The following TBL1XR1 variants were observed in gnomAD, a reference collection of about 807,000 sequenced individuals.
The protein encoded by TBL1XR1 is TBL1X/Y related 1, also known as F-box-like/WD repeat-containing protein TBL1XR1.
A neutral mutation model predicts 66.9 loss-of-function variants in TBL1XR1; 5 were observed. The observed-to-expected ratio is 0.07, with a 90% CI of 0.04 to 0.16. TBL1XR1 has a LOEUF of 0.16. TBL1XR1 is among the 10% of genes least tolerant of loss of function. TBL1XR1 has a pLI of 1.00. For synonymous variants in TBL1XR1, 210 were observed against 206.0 expected (o/e 1.02, Z -0.17); for missense variants, 238 against 623.2 (o/e 0.38, Z 6.58).
intron 2 of TBL1XR1, among the ~76,000 whole-genome samples, chr3:177,083,564 A>G (rs1721713661): frequency 6.6e-6 from 1 of 152,244 alleles, no homozygotes. Context: ...TTCGAGAAAT[A>G]TCATTCACTG....
rs1028130686 is a variant in TBL1XR1 at position 177,051,431 on chromosome 3, AC to A, written c.427+72del. On this transcript the variant is annotated intron_variant, in intron 5 of 15. Coordinates refer to ENST00000457928, the MANE Select transcript of TBL1XR1 (RefSeq NM_024665.7). ...ATCTATATAACAAACCTGCACATGT[AC>A]CCCGAATTAAAAGTTTAAAAAAATA... 3.6e-6 allele frequency: 5 copies of A among 1,371,800 alleles called. No individual in the cohort carries two copies. In the African/African-American group the frequency reaches 7.4e-5, roughly 20 times the overall value. The allele number at this position is 1,371,800 out of a possible 1,614,324, so 85.0% of individuals were successfully genotyped here.
upstream of TBL1XR1, among the ~76,000 whole-genome samples, chr3:177,199,364 G>A (rs1737293396): frequency 7.1e-6 from 1 of 140,336 alleles, no homozygotes; most frequent in Admixed American, 7.4e-5. Context: ...ATTGAAAAGA[G>A]TATATAGTAT....
At chr3:177,098,298 A>T (rs1180048087) in intron 2 of TBL1XR1, among the ~76,000 whole-genome samples, 168 bp downstream of exon 2, 4 of 152,158 alleles carry the variant, frequency 2.6e-5, no homozygotes, top group Admixed American at 2.6e-4. Flanking sequence ...ATTTTTAAAT[A>T]CTTTAAACTA....
intron 10 of TBL1XR1, among the ~76,000 whole-genome samples, chr3:177,039,167 G>T (rs1560105023): frequency 6.6e-6 from 1 of 151,972 alleles, no homozygotes; most frequent in African/African-American, 2.4e-5. Flanking sequence ...CCATCCCCAT[G>T]ATATTGCCTT....
Position 177,176,634 on chromosome 3 carries a change from G to GA in TBL1XR1, c.-122+20486dup, listed in dbSNP as rs1279130631. On this transcript the variant is annotated intron_variant, in intron 1 of 15. Coordinates refer to ENST00000457928, the MANE Select transcript of TBL1XR1 (RefSeq NM_024665.7). ...TCGAGACCAGCCCGGCCAACATGGA[G>GA]AAACCCTCATCTCTATTAAAAACAC... Among the ~76,000 whole-genome samples, 2 of 151,774 alleles carry GA rather than the reference G, an allele frequency of 1.3e-5. 1 individual carries two copies.
rs145018224 is a variant in TBL1XR1, at chr3:177,034,229, T to C, written c.1219A>G (p.Asn407Asp). Residue 407 changes from asparagine to aspartate, a missense_variant, in exon 13 of 16, where the codon AAT (asparagine) becomes GAT (aspartate). Physicochemically the swap from Asn to Asp is conservative, Grantham distance 23 (BLOSUM62 1). Around this residue, in one of 8 missense-constraint regions of TBL1XR1, gnomAD observed 89 missense variants for 220.2 expected, o/e 0.40. Transcript: ENST00000457928. ...AACATAAGGTTGGCATTTGGATTAT[T>C]AGTCCCTGGTCCTGTTGGACTCCAT... ...IKWSPTGPGT[N>D]NPNANLMLAS... The C allele has an allele frequency of 1.9e-6, 3 of 1,601,220 alleles. No individual in the cohort carries two copies. Among genetic ancestry groups the C allele is most frequent in the Non-Finnish European group, 2.5e-6 (3 of 1,176,976 alleles).
At chr3:177,182,245 C>T (rs570493084) in intron 1 of TBL1XR1, among the ~76,000 whole-genome samples, 69 of 152,020 alleles carry the variant, frequency 4.5e-4, no homozygotes, top group Middle Eastern at 3.4e-3. Flanking sequence ...AAAAATTAGC[C>T]GGGAATGGTG....
chr3:177,127,491 T>C (rs747878522), intron 1 of TBL1XR1, among the ~76,000 whole-genome samples: 22 of 152,070 alleles, frequency 1.4e-4, no homozygotes, highest in Admixed American at 3.9e-4. Context: ...AAGAAACACT[T>C]TGGATTGCAA....
At chr3:177,196,873 G>T (rs949366701) in intron 1 of TBL1XR1, among the ~76,000 whole-genome samples, 1 of 151,902 alleles carries the variant, frequency 6.6e-6, no homozygotes, top group Non-Finnish European at 1.5e-5. Flanking sequence ...GGGTAGGGGG[G>T]TGGGCAGGCA....
chr3:177,191,921 C>T (rs987487076), intron 1 of TBL1XR1, among the ~76,000 whole-genome samples: 4 of 150,082 alleles, frequency 2.7e-5, no homozygotes, highest in African/African-American at 9.8e-5. Flanking sequence ...GGTGAAACCC[C>T]ATCTCTACTA....
intron 2 of TBL1XR1, among the ~76,000 whole-genome samples, chr3:177,092,926 A>T (rs1723013662): frequency 6.6e-6 from 1 of 152,122 alleles, no homozygotes. Context: ...ATGTGGTATG[A>T]CTTCTATTCA....
In TBL1XR1 at chr3:177,029,100, G is replaced by A. The variant is rs193121200; in HGVS notation, c.1417-2626C>T. ...ATCAGACCTCAGTGATATCTATAAGGAAAAATGTATTAAGCTATGAAAAAA... is the reference window on the plus strand; with the variant it reads ...ATCAGACCTCAGTGATATCTATAAGAAAAAATGTATTAAGCTATGAAAAAA... On this transcript the variant is annotated intron_variant, in intron 14 of 15. Coordinates refer to ENST00000457928, the MANE Select transcript of TBL1XR1 (RefSeq NM_024665.7). Among the ~76,000 whole-genome samples, 172 of 148,568 alleles carry A rather than the reference G, an allele frequency of 1.2e-3. 1 individual carries two copies. The highest frequency in any genetic ancestry group is 2.1e-3 in the Non-Finnish European group (143 of 67,228).
At chr3:177,059,239 C>T (rs1718198986) in intron 3 of TBL1XR1, among the ~76,000 whole-genome samples, 1 of 152,144 alleles carries the variant, frequency 6.6e-6, no homozygotes, top group Non-Finnish European at 1.5e-5. Flanking sequence ...ATAAATGGCA[C>T]TGGGCATAAG....
rs115416195 is a variant in TBL1XR1 at position 177,087,896 on chromosome 3, T to G, written c.-46+10570A>C. Among the ~76,000 whole-genome samples the G allele has an allele frequency of 3.5e-3, 539 of 152,168 alleles. 1 individual carries two copies. The highest frequency in any genetic ancestry group is 0.012 in the African/African-American group (512 of 41,526). ...AAATCTAGTAAGACCAAATTTAATATAGTACACCCAAAGAAAATTAGGAAA... is the reference window on the plus strand; with the variant it reads ...AAATCTAGTAAGACCAAATTTAATAGAGTACACCCAAAGAAAATTAGGAAA... On this transcript the variant is annotated intron_variant, in intron 2 of 15. Coordinates refer to ENST00000457928, the MANE Select transcript of TBL1XR1 (RefSeq NM_024665.7).
chr3:177,187,152 G>T (rs982542995), intron 1 of TBL1XR1, among the ~76,000 whole-genome samples: 3 of 138,280 alleles, frequency 2.2e-5, no homozygotes, highest in Non-Finnish European at 3.1e-5. Flanking sequence ...GGGCAACAGA[G>T]CAAGACTCTG....
intron 1 of TBL1XR1, among the ~76,000 whole-genome samples, chr3:177,135,364 T>C (rs1441719483): frequency 2.5e-4 from 8 of 31,784 alleles, no homozygotes; most frequent in East Asian, 1.2e-3. Context: ...TATATATATA[T>C]ATATATATAT....
chr3:177,193,524 T>C (rs776387598), intron 1 of TBL1XR1, among the ~76,000 whole-genome samples: 1 of 152,198 alleles, frequency 6.6e-6, no homozygotes, highest in African/African-American at 2.4e-5. Context: ...CTGGCCAAGA[T>C]GGTCTCAATC....
intron 2 of TBL1XR1, among the ~76,000 whole-genome samples, chr3:177,090,339 TAAA>T (rs1230936332): frequency 6.6e-6 from 1 of 151,934 alleles, no homozygotes; most frequent in African/African-American, 2.4e-5. Context: ...TAAAACAAAA[TAAA>T]AACAAATATT....
Position 177,021,615 on chromosome 3 carries a change from C to G in TBL1XR1, c.*3883G>C, listed in dbSNP as rs1266729233. ...AGAGCTACTACTGGAAGGAGTAATT[C>G]ATAACTTCCCTACCCTCCTTCCATC... On this transcript the variant is annotated 3_prime_UTR_variant, in exon 16 of 16. Coordinates refer to ENST00000457928, the MANE Select transcript of TBL1XR1 (RefSeq NM_024665.7). 1 of 152,502 alleles carries G rather than the reference C, an allele frequency of 6.6e-6. No individual in the cohort carries two copies. Among genetic ancestry groups the G allele is most frequent in the Non-Finnish European group, 1.5e-5 (1 of 67,980 alleles). 9.4% of individuals were successfully genotyped at this position (152,502 alleles called of 1,614,324 possible).
Sources: gnomAD v4.1 joint callset for allele counts (sites outside exome capture counted in the v4.1 genomes callset) on GRCh38, gnomAD v4.1.1 for gene constraint, gnomAD v4.1.1 regional missense constraint, MANE v1.5 for transcripts, NCBI Gene and HGNC (gene_info 2026-07-23, HGNC 2026-07-21) for gene names.